Variants in PLCE1 observed in about 807,000 individuals in gnomAD.
PLCE1 encodes the protein phospholipase C epsilon 1.
A neutral mutation model predicts 242.8 loss-of-function variants in PLCE1; 119 were observed. The ratio of observed to expected loss-of-function variants is 0.49; its 90% CI spans 0.42 to 0.57. PLCE1 has a LOEUF of 0.57. Ranked by LOEUF, PLCE1 falls within the 20% of genes least tolerant of loss-of-function variation. The probability of loss-of-function intolerance (pLI) is 0.00; values close to 1 mark genes in which losing one functional copy is unlikely to be tolerated. For missense variants in PLCE1, 2,441 were observed against 2,788.8 expected, an observed-to-expected ratio of 0.88 and a Z score of 2.81; for synonymous variants, 945 against 1,017.4, an observed-to-expected ratio of 0.93 and a Z score of 1.35.
chr10:94,151,220 A>G (rs1456304213), intron 3 of PLCE1, among the ~76,000 whole-genome samples: 2 of 152,174 alleles, frequency 1.3e-5, no homozygotes, highest in Non-Finnish European at 2.9e-5. Flanking sequence ...CAAATAGCCC[A>G]TCTAATCCTC....
intron 2 of PLCE1, among the ~76,000 whole-genome samples, chr10:94,070,930 C>G (rs548290889): frequency 1.3e-4 from 20 of 152,270 alleles, no homozygotes; most frequent in South Asian, 2.1e-4. Flanking sequence ...AACATTAATC[C>G]GCTTCTCCTG....
chr10:94,240,017 G>A (rs866526371), intron 7 of PLCE1, among the ~76,000 whole-genome samples: 2 of 152,092 alleles, frequency 1.3e-5, no homozygotes, highest in Admixed American at 6.6e-5. Context: ...CTGGGATCCT[G>A]TATTTCTCTC....
intron 2 of PLCE1, among the ~76,000 whole-genome samples, chr10:94,106,406 G>T (rs1000034751): frequency 6.6e-6 from 1 of 152,032 alleles, no homozygotes; most frequent in African/African-American, 2.4e-5. Flanking sequence ...GTATACTCTT[G>T]TATGGATACA....
At chr10:94,076,117 G>C (rs1174684811) in intron 2 of PLCE1, among the ~76,000 whole-genome samples, 4 of 74,392 alleles carry the variant, frequency 5.4e-5, no homozygotes, top group Non-Finnish European at 1.0e-4. Flanking sequence ...GTGTGTGTTT[G>C]TGTGTGTGTG....
Position 94,254,223 on chromosome 10 carries a change from G to A in PLCE1, c.3313G>A (p.Ala1105Thr). 19 of 1,613,966 alleles carry A rather than the reference G, an allele frequency of 1.2e-5. No homozygotes were observed. The highest frequency in any genetic ancestry group is 1.6e-5 in the Non-Finnish European group (19 of 1,179,892). ...TGGAGAGGTAACTGACGATGAGATG[G>A]CAACCCGAAAGGCCAAGATGCACAA... ...ESGEVTDDEM[A>T]TRKAKMHKEC... Residue 1105 changes from alanine (A) to threonine (T), a missense_variant, in exon 10 of 33, where the codon GCA becomes ACA. Coordinates refer to ENST00000371380, the MANE Select transcript of PLCE1 (RefSeq NM_016341.4).
chr10:94,227,232 A>C (rs1275798313), intron 4 of PLCE1, 74 bp from the exon 5 acceptor site: 8 of 1,393,546 alleles, frequency 5.7e-6, no homozygotes, highest in Non-Finnish European at 8.2e-6. Flanking sequence ...AGAAAAACAA[A>C]GAATGCTTTT....
At chr10:94,089,156 T>G in intron 2 of PLCE1, 1 of 1,613,966 alleles carries the variant, frequency 6.2e-7, no homozygotes, top group Non-Finnish European at 8.5e-7. Context: ...GTGAGGCAGC[T>G]CCACGTGAGA....
At chr10:94,251,942 G>C in intron 8 of PLCE1, among the ~76,000 whole-genome samples, 1 of 152,162 alleles carries the variant, frequency 6.6e-6, no homozygotes, top group East Asian at 1.9e-4. Flanking sequence ...TACTTAGATT[G>C]ATACCCTGCC....
chr10:94,171,606 C>A, intron 4 of PLCE1, 110 bp downstream of exon 4: 1 of 864,390 alleles, frequency 1.2e-6, no homozygotes, highest in South Asian at 1.4e-5. Flanking sequence ...TTCATTCTGT[C>A]TTGCCACTTC....
chr10:94,316,777 C>T lies in PLCE1; in HGVS notation c.6342+21C>T, dbSNP rs1260688278. ...AGGAAGTAAGTGTGTCTGGGTGCAG[C>T]CTACACAGTAACGACTCATTATGTG... On this transcript the variant is annotated intron_variant, in intron 29 of 32. Coordinates refer to ENST00000371380, the MANE Select transcript of PLCE1 (RefSeq NM_016341.4). The T allele has an allele frequency of 1.9e-6, 3 of 1,544,026 alleles. No individual in the cohort carries two copies. The Admixed American group carries it at 5.0e-5, about 26-fold the overall frequency.
At chr10:94,295,083 T>C (rs919083311) in intron 23 of PLCE1, among the ~76,000 whole-genome samples, 1 of 151,494 alleles carries the variant, frequency 6.6e-6, no homozygotes, top group Non-Finnish European at 1.5e-5. Flanking sequence ...GCCCGGCTAC[T>C]TTTTTTGTAT....
chr10:94,162,038 T>C (rs564431101), intron 3 of PLCE1, among the ~76,000 whole-genome samples: 41 of 152,354 alleles, frequency 2.7e-4, no homozygotes, highest in African/African-American at 9.6e-4. Flanking sequence ...CTTTTTGATG[T>C]ACTGCTGGAT....
chr10:94,055,893 G>A (rs1169957283), intron 2 of PLCE1, among the ~76,000 whole-genome samples: 1 of 152,064 alleles, frequency 6.6e-6, no homozygotes, highest in Non-Finnish European at 1.5e-5. Flanking sequence ...GCTGTCATAC[G>A]CTCAAGAATT....
At chr10:94,045,965 T>TAA (rs59988453) in intron 2 of PLCE1, among the ~76,000 whole-genome samples, 287 of 149,168 alleles carry the variant, frequency 1.9e-3, no homozygotes, top group African/African-American at 3.2e-3. Flanking sequence ...CCAGGCGTGG[T>TAA]AAAAAAAAAA....
intron 2 of PLCE1, among the ~76,000 whole-genome samples, chr10:94,078,483 C>T (rs1046137999): frequency 3.3e-5 from 5 of 150,910 alleles, no homozygotes; most frequent in African/African-American, 1.2e-4. Flanking sequence ...TTGAAAATCA[C>T]TTTTTGCTCA....
At chr10:94,204,794 GGAAGGAAGCAAAAT>G in intron 4 of PLCE1, among the ~76,000 whole-genome samples, 2 of 81,120 alleles carry the variant, frequency 2.5e-5, no homozygotes, top group African/African-American at 3.8e-5. Flanking sequence ...AAGGAAGGAA[GGAAGGAAGCAAAAT>G]AATGTGTGCT....
chr10:94,239,486 A>G (rs2050432168), intron 7 of PLCE1, among the ~76,000 whole-genome samples: 1 of 152,218 alleles, frequency 6.6e-6, no homozygotes, highest in Admixed American at 6.5e-5. Flanking sequence ...CTCCCCAGCC[A>G]TGCTGAACTG....
rs2047964359 is a variant in PLCE1, at chr10:94,171,203, G to A, written c.1516G>A (p.Ala506Thr). ...LKERQPGPSV[A>T]NSNALPSSSA... ...AGAACGCCAGCCAGGCCCCTCTGTG[G>A]CCAATTCCAATGCCCTCCCTTCAAG... The change falls in exon 4 of 33, where the codon GCC becomes ACC. Residue 506 changes from alanine (A) to threonine (T), a missense_variant. Ala to Thr is a moderately conservative substitution (Grantham distance 58). Transcript: ENST00000371380. The A allele has an allele frequency of 1.9e-6, 3 of 1,614,034 alleles. No individual in the cohort carries two copies. The highest frequency in any genetic ancestry group is 1.3e-5 in the African/African-American group (1 of 74,914).
At chr10:94,191,382 C>A (rs1590215571) in intron 4 of PLCE1, among the ~76,000 whole-genome samples, 1 of 152,154 alleles carries the variant, frequency 6.6e-6, no homozygotes, top group Non-Finnish European at 1.5e-5. Flanking sequence ...GCGCTCATGT[C>A]TGTGATCCCA....
Sources: gnomAD v4.1 joint callset for allele counts (sites outside exome capture counted in the v4.1 genomes callset) on GRCh38, gnomAD v4.1.1 for gene constraint, MANE v1.5 for transcripts, NCBI Gene and HGNC (gene_info 2026-07-23, HGNC 2026-07-21) for gene names.